SIL1: variants seen among roughly 807,000 people sequenced by gnomAD.
SIL1 encodes the protein SIL1 nucleotide exchange factor.
A neutral mutation model predicts 49.1 loss-of-function variants in SIL1; 40 were observed. That is an observed-to-expected ratio of 0.81 (90% confidence interval 0.63 to 1.06). SIL1 has a LOEUF of 1.06. Ranked by LOEUF, SIL1 falls within the 50% of genes least tolerant of loss-of-function variation. The probability of loss-of-function intolerance (pLI) is 0.00; values close to 1 mark genes in which losing one functional copy is unlikely to be tolerated. For missense variants in SIL1, 500 were observed against 572.6 expected, an observed-to-expected ratio of 0.87 and a Z score of 1.29; for synonymous variants, 253 against 250.8, an observed-to-expected ratio of 1.01 and a Z score of -0.08.
chr5:139,193,106 A>G (rs1282876859), intron 1 of SIL1, among the ~76,000 whole-genome samples: 1 of 152,134 alleles, frequency 6.6e-6, no homozygotes, highest in Non-Finnish European at 1.5e-5. Context: ...CATTAAAGAA[A>G]GAATATCAGA....
chr5:139,058,668 C>T (rs1362348888), intron 3 of SIL1, among the ~76,000 whole-genome samples: 1 of 152,094 alleles, frequency 6.6e-6, no homozygotes, highest in Non-Finnish European at 1.5e-5. Context: ...TCAGAAGTGC[C>T]TTCAGGTTGG....
intron 7 of SIL1, among the ~76,000 whole-genome samples, chr5:139,018,472 C>A (rs1581034229): frequency 6.6e-6 from 1 of 151,626 alleles, no homozygotes; most frequent in East Asian, 1.9e-4. Flanking sequence ...TACCTGTAGT[C>A]CCAGCTACAG....
chr5:139,155,038 C>T (rs1175190258), intron 1 of SIL1, among the ~76,000 whole-genome samples: 2 of 152,220 alleles, frequency 1.3e-5, no homozygotes, highest in Non-Finnish European at 2.9e-5. Flanking sequence ...CAGTACCTCA[C>T]TGGGGATACG....
At chr5:139,079,900 C>T (rs1196421993) in intron 3 of SIL1, among the ~76,000 whole-genome samples, 1 of 152,206 alleles carries the variant, frequency 6.6e-6, no homozygotes. Context: ...CACACAAAGT[C>T]CAACTTTAGA....
intron 3 of SIL1, among the ~76,000 whole-genome samples, chr5:139,107,480 A>G (rs1213555227): frequency 6.6e-6 from 1 of 152,240 alleles, no homozygotes; most frequent in Non-Finnish European, 1.5e-5. Flanking sequence ...CTATAGGACA[A>G]TTATCAAAAC....
At chr5:139,030,203 G>A (rs895522182) in intron 5 of SIL1, among the ~76,000 whole-genome samples, 18 of 152,010 alleles carry the variant, frequency 1.2e-4, no homozygotes, top group African/African-American at 3.4e-4. Flanking sequence ...AGTGGCTCAC[G>A]CCTGTAATCT....
At chr5:139,109,997 C>T (rs1224281616) in intron 3 of SIL1, among the ~76,000 whole-genome samples, 3 of 151,716 alleles carry the variant, frequency 2.0e-5, no homozygotes, top group Non-Finnish European at 2.9e-5. Flanking sequence ...GGTGAAACCC[C>T]GTCTCTACTA....
intron 3 of SIL1, among the ~76,000 whole-genome samples, chr5:139,108,501 T>C (rs1770774858): frequency 6.6e-6 from 1 of 152,180 alleles, no homozygotes; most frequent in African/African-American, 2.4e-5. Context: ...AAACTATTCA[T>C]GTGGCACATG....
intron 7 of SIL1, among the ~76,000 whole-genome samples, chr5:138,967,734 C>T (rs1176143327): frequency 6.6e-6 from 1 of 152,112 alleles, no homozygotes; most frequent in East Asian, 1.9e-4. Context: ...GCCACATGGG[C>T]CTCAGTCTAA....
At chr5:139,105,018 A>G (rs955808637) in intron 3 of SIL1, among the ~76,000 whole-genome samples, 1 of 152,080 alleles carries the variant, frequency 6.6e-6, no homozygotes, top group African/African-American at 2.4e-5. Flanking sequence ...AAGCACACGC[A>G]ATGAGGGGAG....
rs1751658624 is a variant in SIL1, at chr5:139,167,996, T to G, written c.-11+30273A>C. 2.6e-5 allele frequency among the ~76,000 whole-genome samples: 4 copies of G among 152,242 alleles called. No homozygotes were observed. The South Asian group carries it at 8.3e-4, about 31-fold the overall frequency. On this transcript the variant is annotated intron_variant, in intron 1 of 9. Transcript: ENST00000394817. ...CCGTGTGCAGCTACCATTTTTTATCTTTTATACTACATTTTTACTGTACCT... is the reference window on the plus strand; with the variant it reads ...CCGTGTGCAGCTACCATTTTTTATCGTTTATACTACATTTTTACTGTACCT...
intron 1 of SIL1, among the ~76,000 whole-genome samples, chr5:139,197,773 C>T (rs533856681): frequency 2.8e-4 from 43 of 152,286 alleles, no homozygotes; most frequent in Non-Finnish European, 6.2e-4. Context: ...AAGGCTTATG[C>T]ACAAAGCCCC....
intron 7 of SIL1, among the ~76,000 whole-genome samples, chr5:138,961,328 A>G (rs919028396): frequency 2.0e-5 from 3 of 152,258 alleles, no homozygotes; most frequent in African/African-American, 7.2e-5. Context: ...TGGAGAAGCC[A>G]GTGGTTCATT....
chr5:138,959,614 C>A (rs1766974315), intron 7 of SIL1, among the ~76,000 whole-genome samples: 2 of 152,244 alleles, frequency 1.3e-5, no homozygotes. Flanking sequence ...GCTCCCCTCT[C>A]ACAACGTGGC....
At chr5:139,057,236 A>G (rs1173446914) in intron 3 of SIL1, among the ~76,000 whole-genome samples, 10 of 147,364 alleles carry the variant, frequency 6.8e-5, no homozygotes, top group Non-Finnish European at 1.2e-4. Flanking sequence ...TCACTTGTTT[A>G]TCTGCTGACC....
intron 7 of SIL1, among the ~76,000 whole-genome samples, chr5:139,020,446 G>A (rs1250711911): frequency 1.6e-4 from 24 of 152,200 alleles, no homozygotes; most frequent in Non-Finnish European, 1.5e-5. Flanking sequence ...CTCCACCCAT[G>A]CCCTTGCAGC....
At chr5:139,192,035 A>G (rs904788738) in intron 1 of SIL1, among the ~76,000 whole-genome samples, 1 of 146,452 alleles carries the variant, frequency 6.8e-6, no homozygotes, top group African/African-American at 2.5e-5. Context: ...AGATTGTGCC[A>G]CTGCACTCCA....
chr5:139,121,313 T>C (rs1328038993), intron 2 of SIL1, 140 bp from the exon 3 acceptor site: 13 of 1,174,454 alleles, frequency 1.1e-5, no homozygotes, highest in Non-Finnish European at 1.4e-5. Flanking sequence ...TCGCAATTCC[T>C]TTCCCAAGGT....
chr5:139,127,117 CT>C (rs1297274722), intron 2 of SIL1, among the ~76,000 whole-genome samples: 1 of 152,202 alleles, frequency 6.6e-6, no homozygotes, highest in African/African-American at 2.4e-5. Context: ...GGCAGAAGCC[CT>C]GAGCAGTAAG....
Sources: gnomAD v4.1 joint callset for allele counts (sites outside exome capture counted in the v4.1 genomes callset) on GRCh38, gnomAD v4.1.1 for gene constraint, MANE v1.5 for transcripts, NCBI Gene and HGNC (gene_info 2026-07-23, HGNC 2026-07-21) for gene names.